SPG11: variants seen among roughly 807,000 people sequenced by gnomAD.
The protein encoded by SPG11 is spatacsin.
In SPG11, 222 loss-of-function variants were observed where a neutral mutation model predicts 274.0. The observed-to-expected ratio is 0.81, with a 90% CI of 0.73 to 0.91. SPG11 has a LOEUF of 0.91. Among genes scored for constraint, SPG11 ranks in the 40% least tolerant of loss-of-function variants. The pLI is 0.00. For synonymous variants in SPG11, 1,144 were observed against 1,039.7 expected (o/e 1.10, Z -1.93); for missense variants, 3,114 against 2,872.7 (o/e 1.08, Z -1.92).
At chr15:44,572,582 C>G in intron 33 of SPG11, 101 bp downstream of exon 33, 1 of 1,229,480 alleles carries the variant, frequency 8.1e-7, no homozygotes, top group Non-Finnish European at 1.2e-6. Flanking sequence ...GCTAGGCATC[C>G]AGAGCAGGAA....
rs1490842925 is a variant in SPG11 at position 44,595,383 on chromosome 15, C to T, written c.4511G>A (p.Gly1504Glu). Reference protein sequence around the residue: ...VEDNVATEAMGHIQDSTEDHT... With the variant: ...VEDNVATEAMEHIQDSTEDHT... ...GTCCTCTGTTGAGTCCTGAATGTGT[C>T]CCATTGCTTCAGTTGCAACATTGTC... is the stretch of plus-strand genomic sequence containing the variant. Residue 1504 changes from glycine to glutamate, a missense_variant, in exon 26 of 40, where the codon GGA becomes GAA. Coordinates refer to ENST00000261866, the MANE Select transcript of SPG11 (RefSeq NM_025137.4). 2 of 1,614,180 alleles carry T rather than the reference C, an allele frequency of 1.2e-6. No homozygotes were observed. The highest frequency in any genetic ancestry group is 3.3e-5 in the Admixed American group (2 of 60,018).
chr15:44,660,206 TTTTA>T (rs2085063486), intron 2 of SPG11, among the ~76,000 whole-genome samples: 1 of 152,168 alleles, frequency 6.6e-6, no homozygotes, highest in Non-Finnish European at 1.5e-5. Context: ...AATTGAGATA[TTTTA>T]TTTTTAGTAT....
At chr15:44,611,696 T>C (rs1191576220) in intron 17 of SPG11, among the ~76,000 whole-genome samples, 2 of 151,394 alleles carry the variant, frequency 1.3e-5, no homozygotes, top group Admixed American at 1.3e-4. Context: ...CTATTATTTA[T>C]AATAGAAAAA....
At chr15:44,627,661 C>T (rs1033537918) in intron 10 of SPG11, among the ~76,000 whole-genome samples, 4 of 151,936 alleles carry the variant, frequency 2.6e-5, no homozygotes, top group African/African-American at 9.7e-5. Context: ...GCGATCTCAG[C>T]TCACCGCAAC....
intron 11 of SPG11, among the ~76,000 whole-genome samples, chr15:44,624,458 T>C (rs575584650): frequency 2.0e-5 from 3 of 152,208 alleles, no homozygotes; most frequent in South Asian, 4.2e-4. Flanking sequence ...CTCACTTATA[T>C]ATGGAATCTA....
At position 44,657,239 on chromosome 15, in the gene SPG11, T is replaced by C. The variant is rs775065136; in HGVS notation, c.725A>G (p.Lys242Arg). ...YVAHVDLALH[K>R]EDMCNEQQQE... is the part of the protein sequence containing the mutation. ...TTGCTGCTCATTACACATGTCTTCT[T>C]TGTGAAGTGCTAAATCCACATGAGC... The change falls in exon 4 of 40, where the codon AAA becomes AGA. Residue 242 changes from lysine (K) to arginine (R), a missense_variant. Transcript: ENST00000261866. The C allele has an allele frequency of 1.2e-6, 2 of 1,614,192 alleles. No homozygotes were observed. Among genetic ancestry groups the C allele is most frequent in the Non-Finnish European group, 1.7e-6 (2 of 1,180,042 alleles).
chr15:44,604,820 C>T (rs1436604983), intron 20 of SPG11, among the ~76,000 whole-genome samples: 5 of 145,310 alleles, frequency 3.4e-5, no homozygotes, highest in East Asian at 2.1e-4. Context: ...CCTAGTTACT[C>T]GGGAGGCTGA....
At chr15:44,632,761 G>A (rs2084109259) in intron 8 of SPG11, among the ~76,000 whole-genome samples, 2 of 151,914 alleles carry the variant, frequency 1.3e-5, no homozygotes, top group African/African-American at 4.8e-5. Flanking sequence ...CTCCCACCTT[G>A]GCCCCTAAAG....
intron 15 of SPG11, among the ~76,000 whole-genome samples, chr15:44,615,860 T>G (rs1311708379): frequency 6.6e-6 from 1 of 152,204 alleles, no homozygotes; most frequent in Non-Finnish European, 1.5e-5. Context: ...TTACCCAGTA[T>G]AGCAACAGTG....
chr15:44,656,280 T>C (rs2084937945), intron 4 of SPG11, among the ~76,000 whole-genome samples: 1 of 152,262 alleles, frequency 6.6e-6, no homozygotes, highest in African/African-American at 2.4e-5. Flanking sequence ...CAATTTTCTT[T>C]TGTTGTTTTC....
intron 1 of SPG11, among the ~76,000 whole-genome samples, chr15:44,663,148 C>T (rs927381094): frequency 4.6e-5 from 7 of 152,250 alleles, no homozygotes; most frequent in African/African-American, 1.7e-4. Flanking sequence ...GAGCTGGGTG[C>T]CGTCTCCGCC....
intron 19 of SPG11, among the ~76,000 whole-genome samples, chr15:44,607,259 G>T (rs892190581): frequency 1.3e-5 from 2 of 152,212 alleles, no homozygotes; most frequent in Non-Finnish European, 2.9e-5. Flanking sequence ...CTGCATTAGA[G>T]TAAGAGGGAG....
intron 14 of SPG11, chr15:44,620,721 C>T: frequency 4.1e-6 from 1 of 246,378 alleles, no homozygotes. Context: ...TTTTTTGAGA[C>T]AGAGTCTCGC....
chr15:44,567,066 C>G (rs979725577), intron 36 of SPG11, among the ~76,000 whole-genome samples: 1 of 151,176 alleles, frequency 6.6e-6, no homozygotes, highest in Non-Finnish European at 1.5e-5. Flanking sequence ...AGAATTTTAT[C>G]GAGGGCCGGG....
intron 7 of SPG11, among the ~76,000 whole-genome samples, chr15:44,646,538 C>A (rs576102319): frequency 6.6e-6 from 1 of 152,278 alleles, no homozygotes; most frequent in East Asian, 1.9e-4. Flanking sequence ...TCCCTTGACA[C>A]ATGGGGATTA....
At chr15:44,634,662 C>T in intron 7 of SPG11, among the ~76,000 whole-genome samples, 1 of 152,022 alleles carries the variant, frequency 6.6e-6, no homozygotes, top group East Asian at 2.0e-4. Context: ...TCTTGGCTCA[C>T]TGCAATCTCC....
chr15:44,595,593 C>G (rs2083015338), intron 25 of SPG11, 134 bp from the exon 26 acceptor site: 2 of 989,422 alleles, frequency 2.0e-6, no homozygotes, highest in South Asian at 2.8e-5. Flanking sequence ...AGCCTTCAAA[C>G]ATGAAACAAA....
chr15:44,595,936 A>G, intron 25 of SPG11, 147 bp downstream of exon 25: 2 of 1,079,802 alleles, frequency 1.9e-6, no homozygotes, highest in Non-Finnish European at 2.7e-6. Flanking sequence ...AAGCTAGAGA[A>G]GCACAAAATG....
chr15:44,584,414 C>T lies in SPG11; in HGVS notation c.5266G>A (p.Ala1756Thr), dbSNP rs772186328. ...GTTGGGTGCTCACATGCCACATGGG[C>T]CTGGGTTGAGAAAAAGGAAGAAGCT... ...KAASSFFSTQ[A>T]HVACEHPTGW... The change falls in exon 30 of 40, where the codon GCC (alanine) becomes ACC (threonine). Residue 1756 changes from alanine to threonine, a missense_variant. Ala to Thr is a moderately conservative substitution (Grantham distance 58). Transcript: ENST00000261866. 6.2e-7 allele frequency: 1 copy of T among 1,614,114 alleles called. No homozygotes were observed. Among genetic ancestry groups the T allele is most frequent in the Admixed American group, 1.7e-5 (1 of 60,008 alleles).
Sources: allele counts gnomAD v4.1 joint callset (sites outside exome capture counted in the v4.1 genomes callset), GRCh38; gene constraint gnomAD v4.1.1; transcripts MANE v1.5; gene names NCBI Gene and HGNC (gene_info 2026-07-23, HGNC 2026-07-21).